Variants in SEPTIN11 observed in about 807,000 individuals in gnomAD.
SEPTIN11 encodes the protein septin-11.
In SEPTIN11, 25 loss-of-function variants were observed where a neutral mutation model predicts 51.4. The observed-to-expected ratio is 0.49, with a 90% CI of 0.35 to 0.68. The LOEUF is 0.68. SEPTIN11 is among the 30% of genes least tolerant of loss of function. SEPTIN11 has a pLI of 0.00. For missense variants in SEPTIN11, 381 were observed against 520.8 expected (o/e 0.73, Z 2.61); for synonymous variants, 174 against 184.1 (o/e 0.95, Z 0.44).
intron 5 of SEPTIN11, among the ~76,000 whole-genome samples, chr4:77,018,091 CTT>C (rs1725422598): frequency 1.3e-5 from 2 of 152,162 alleles, no homozygotes; most frequent in African/African-American, 4.8e-5. Flanking sequence ...ATTTTAAGGA[CTT>C]AACCCAATAT....
rs912336776 is a variant in SEPTIN11 at position 77,034,720 on chromosome 4, A to C, written c.*208A>C. 7.9e-7 allele frequency: 1 copy of C among 1,267,320 alleles called. No individual in the cohort carries two copies. The highest frequency in any genetic ancestry group is 1.0e-6 in the Non-Finnish European group (1 of 1,002,588). 78.5% of individuals were successfully genotyped at this position (1,267,320 alleles called of 1,614,324 possible). A position where few individuals can be genotyped will look rare whatever the true frequency, so the allele number is the denominator to read the frequency against. On this transcript the variant is annotated 3_prime_UTR_variant, in exon 10 of 10. Transcript: ENST00000264893. ...GGGAATAACCGCGAATGCTCTGTGC[A>C]GCTGGACTCTGTTTCCGGAAAGTAA...
chr4:76,979,621 C>A (rs2109913280), intron 1 of SEPTIN11, among the ~76,000 whole-genome samples: 1 of 152,178 alleles, frequency 6.6e-6, no homozygotes, highest in South Asian at 2.1e-4. Flanking sequence ...TGGTGGCTCA[C>A]ATCTGTAATC....
chr4:76,958,764 G>T, intron 1 of SEPTIN11: 2 of 712,252 alleles, frequency 2.8e-6, no homozygotes, highest in Non-Finnish European at 4.6e-6. Flanking sequence ...ATGGCAATTA[G>T]GTTTATAATC....
chr4:76,980,675 G>GT (rs1722728916), intron 1 of SEPTIN11, among the ~76,000 whole-genome samples: 1 of 152,182 alleles, frequency 6.6e-6, no homozygotes, highest in African/African-American at 2.4e-5. Context: ...AGTAGTTCTT[G>GT]TTTTTGCCAG....
intron 1 of SEPTIN11, among the ~76,000 whole-genome samples, chr4:76,960,901 C>T (rs186432609): frequency 8.3e-4 from 126 of 152,254 alleles, no homozygotes; most frequent in African/African-American, 2.8e-3. Flanking sequence ...AATTCAGGGG[C>T]GAGTTATCAG....
Position 77,030,976 on chromosome 4 carries a change from C to G in SEPTIN11, c.1274+6C>G. On this transcript the variant is annotated splice_donor_region_variant and intron_variant, in intron 9 of 9. Transcript: ENST00000264893. Reference sequence around the variant, plus strand: ...AAAGACAAGGATAAGAAAAAGTAAGCAGGTGTCACCCCCCTGTATCGGGGA... The same window carrying G: ...AAAGACAAGGATAAGAAAAAGTAAGGAGGTGTCACCCCCCTGTATCGGGGA... 6.3e-7 allele frequency: 1 copy of G among 1,597,784 alleles called. No individual in the cohort carries two copies. The highest frequency in any genetic ancestry group is 8.5e-7 in the Non-Finnish European group (1 of 1,176,576).
intron 1 of SEPTIN11, among the ~76,000 whole-genome samples, chr4:76,976,144 TATATACTTAAAGAAACCTC>T (rs1368183957): frequency 1.3e-5 from 2 of 152,194 alleles, no homozygotes; most frequent in Non-Finnish European, 2.9e-5. Context: ...GGTATCTACT[TATATACTTAAAGAAACCTC>T]TGGTTTTTAG....
intron 1 of SEPTIN11, among the ~76,000 whole-genome samples, chr4:76,955,069 A>T (rs1251252281): frequency 6.6e-6 from 1 of 152,182 alleles, no homozygotes; most frequent in Non-Finnish European, 1.5e-5. Flanking sequence ...TTTTGATAAT[A>T]ACATTCCTTT....
At chr4:76,964,294 AATC>A (rs1271560749) in intron 1 of SEPTIN11, among the ~76,000 whole-genome samples, 4 of 112,314 alleles carry the variant, frequency 3.6e-5, no homozygotes, top group African/African-American at 1.3e-4. Context: ...ATTCTTGGCC[AATC>A]ATTTTTTTTT....
downstream of SEPTIN11, chr4:77,039,572 C>A (rs1021510814): frequency 1.0e-6 from 1 of 985,142 alleles, no homozygotes; most frequent in Non-Finnish European, 1.2e-6. Flanking sequence ...GATCCTCAAC[C>A]GTCAGGTCAT....
Position 77,036,541 on chromosome 4 carries a change from T to C in SEPTIN11, c.*2029T>C. 7.1e-7 allele frequency: 1 copy of C among 1,399,788 alleles called. No homozygotes were observed. The highest frequency in any genetic ancestry group is 9.2e-7 in the Non-Finnish European group (1 of 1,083,532). The allele number at this position is 1,399,788 out of a possible 1,614,324, so 86.7% of individuals were successfully genotyped here. A position where few individuals can be genotyped will look rare whatever the true frequency, so the allele number is the denominator to read the frequency against. On this transcript the variant is annotated 3_prime_UTR_variant, in exon 10 of 10. Coordinates refer to ENST00000264893, the MANE Select transcript of SEPTIN11 (RefSeq NM_018243.4). ...CAACGAAAGGCATCCAGCTGACTTTTTGATTCCAAGATTATTGATTGGATT... is the reference window on the plus strand; with the variant it reads ...CAACGAAAGGCATCCAGCTGACTTTCTGATTCCAAGATTATTGATTGGATT...
chr4:76,983,645 C>T (rs1722882586), intron 1 of SEPTIN11, among the ~76,000 whole-genome samples: 1 of 152,142 alleles, frequency 6.6e-6, no homozygotes, highest in Admixed American at 6.5e-5. Context: ...TAGCACATGC[C>T]CCACATTTAT....
At chr4:77,005,870 C>T (rs765403100) in intron 3 of SEPTIN11, 74 bp downstream of exon 3, 2 of 1,405,022 alleles carry the variant, frequency 1.4e-6, no homozygotes, top group Non-Finnish European at 2.0e-6. Context: ...AATTTAAAGG[C>T]CAAATGTTTT....
intron 7 of SEPTIN11, among the ~76,000 whole-genome samples, chr4:77,026,007 A>C (rs1312974810): frequency 2.6e-5 from 4 of 152,196 alleles, no homozygotes; most frequent in Non-Finnish European, 5.9e-5. Flanking sequence ...AGGTTTCACT[A>C]TAAAAAGCAT....
At chr4:76,955,934 A>G (rs951602968) in intron 1 of SEPTIN11, among the ~76,000 whole-genome samples, 1 of 152,126 alleles carries the variant, frequency 6.6e-6, no homozygotes, top group Admixed American at 6.6e-5. Context: ...CTGGGGGGGA[A>G]GATGGTAGGA....
chr4:77,035,551 A>G lies in SEPTIN11; in HGVS notation c.*1039A>G. 3.0e-6 allele frequency: 3 copies of G among 985,448 alleles called. No homozygotes were observed. The highest frequency in any genetic ancestry group is 3.6e-6 in the Non-Finnish European group (3 of 829,918). 61.0% of individuals were successfully genotyped at this position (985,448 alleles called of 1,614,324 possible). On this transcript the variant is annotated 3_prime_UTR_variant, in exon 10 of 10. Coordinates refer to ENST00000264893, the MANE Select transcript of SEPTIN11 (RefSeq NM_018243.4). ...GCCTTGTCAATTTTAAGGTGGAAAT[A>G]GGAAGGACCACAACATGACCCGTAA...
chr4:77,038,022 A>G lies in SEPTIN11; in HGVS notation c.*3510A>G, dbSNP rs1202951991. ...TATTGGGTGAGGTTTTTCAGCTGTTACCGACCCACGTCCTGCTGTCTCTGT... is the reference window on the plus strand; with the variant it reads ...TATTGGGTGAGGTTTTTCAGCTGTTGCCGACCCACGTCCTGCTGTCTCTGT... On this transcript the variant is annotated 3_prime_UTR_variant, in exon 10 of 10. Transcript: ENST00000264893. 1.0e-6 allele frequency: 1 copy of G among 985,716 alleles called. No individual in the cohort carries two copies. Among genetic ancestry groups the G allele is most frequent in the Non-Finnish European group, 1.2e-6 (1 of 829,942 alleles). 61.1% of individuals were successfully genotyped at this position (985,716 alleles called of 1,614,324 possible).
In SEPTIN11 at chr4:76,987,774, C is replaced by T. The variant is rs112622769; in HGVS notation, c.28-8651C>T. 6.9e-4 allele frequency: 592 copies of T among 859,624 alleles called. 5 individuals are homozygous for T. In the African/African-American group the frequency reaches 8.5e-3, roughly 12 times the overall value. 53.2% of individuals were successfully genotyped at this position (859,624 alleles called of 1,614,324 possible). A position where few individuals can be genotyped will look rare whatever the true frequency, so the allele number is the denominator to read the frequency against. On this transcript the variant is annotated intron_variant, in intron 1 of 9. Transcript: ENST00000264893. ...GGTGGTCAGTCAAAGATTTTGTGTGCGAGACAGCATGTTCTTTTCTTTACC... is the reference window on the plus strand; with the variant it reads ...GGTGGTCAGTCAAAGATTTTGTGTGTGAGACAGCATGTTCTTTTCTTTACC...
chr4:76,974,849 G>A (rs1722413241), intron 1 of SEPTIN11: 2 of 456,562 alleles, frequency 4.4e-6, no homozygotes, highest in Admixed American at 2.3e-5. Context: ...TTGGGTGGGT[G>A]TGGTGGCTCA....
Sources: allele counts gnomAD v4.1 joint callset (sites outside exome capture counted in the v4.1 genomes callset), GRCh38; gene constraint gnomAD v4.1.1; transcripts MANE v1.5; gene names NCBI Gene and HGNC (gene_info 2026-07-23, HGNC 2026-07-21).